The following GPRC6A variants were observed in gnomAD, a reference collection of about 807,000 sequenced individuals.
The protein encoded by GPRC6A is G protein-coupled receptor class C group 6 member A.
In GPRC6A, 54 loss-of-function variants were observed where a neutral mutation model predicts 47.0. The observed-to-expected ratio is 1.15, with a 90% CI of 0.92 to 1.44. GPRC6A has a LOEUF of 1.44. Ranked by LOEUF, GPRC6A falls within the 40% of genes most tolerant of loss-of-function variation. GPRC6A has a pLI of 0.00. For synonymous variants in GPRC6A, 347 were observed against 377.1 expected (o/e 0.92, Z 0.93); for missense variants, 1,112 against 1,105.5 (o/e 1.01, Z -0.08).
At chr6:116,819,921 C>G (rs1582476909) in intron 1 of GPRC6A, among the ~76,000 whole-genome samples, 1 of 149,398 alleles carries the variant, frequency 6.7e-6, no homozygotes, top group South Asian at 2.1e-4. Context: ...AATCCAGGAG[C>G]TGGTTTTTTG....
chr6:116,803,281 C>T (rs1284424100), intron 3 of GPRC6A, among the ~76,000 whole-genome samples: 2 of 151,996 alleles, frequency 1.3e-5, no homozygotes, highest in Non-Finnish European at 2.9e-5. Context: ...TATCTTATGT[C>T]TGATTTACCA....
chr6:116,814,006 C>T (rs963594732), intron 1 of GPRC6A, among the ~76,000 whole-genome samples: 1 of 152,126 alleles, frequency 6.6e-6, no homozygotes, highest in Non-Finnish European at 1.5e-5. Context: ...TGAAAAAATG[C>T]TCATCATTCC....
chr6:116,805,536 A>G lies in GPRC6A; in HGVS notation c.1335+834T>C, dbSNP rs952012637. Among the ~76,000 whole-genome samples the G allele has an allele frequency of 7.9e-5, 12 of 152,190 alleles. No homozygotes were observed. The South Asian group carries it at 2.5e-3, about 31-fold the overall frequency. On this transcript the variant is annotated intron_variant, in intron 3 of 5. Coordinates refer to ENST00000310357, the MANE Select transcript of GPRC6A (RefSeq NM_148963.4). ...GTTTGCCTTTGAATACATATTATTG[A>G]GACATTTATTTCTAATAAGTAAAAC...
intron 1 of GPRC6A, among the ~76,000 whole-genome samples, chr6:116,824,942 T>A (rs1773632387): frequency 6.6e-6 from 1 of 151,910 alleles, no homozygotes; most frequent in African/African-American, 2.4e-5. Context: ...CATATACAAA[T>A]CAATAAATGT....
At position 116,807,159 on chromosome 6, in the gene GPRC6A, A is replaced by G; in HGVS notation, c.546T>C (p.Phe182=). The change falls in exon 3 of 6, where the codon TTT becomes TTC. Residue 182 remains phenylalanine, a synonymous_variant. Transcript: ENST00000310357. ...TGGGCACAGTCCGTAAAAATGAAGG[A>G]AAGCGAATTTTGTCACTCAGGATTT... The part of the protein sequence containing the change: ...TAEILSDKIR[F]PSFLRTVPSD... 6.2e-7 allele frequency: 1 copy of G among 1,613,496 alleles called. No individual in the cohort carries two copies. Among genetic ancestry groups the G allele is most frequent in the East Asian group, 2.2e-5 (1 of 44,874 alleles).
In GPRC6A at chr6:116,809,468, C is replaced by A. The variant is rs747940732; in HGVS notation, c.344G>T (p.Arg115Met). Residue 115 changes from arginine (R) to methionine (M), a missense_variant, in exon 2 of 6, where the codon AGG becomes ATG. Coordinates refer to ENST00000310357, the MANE Select transcript of GPRC6A (RefSeq NM_148963.4). ...GGAGCAGTTGAATTTAGAAAGAAAC[C>A]TCAGAGTGGCTGCCATTGCCACTGT... ...EVTVAMAATLRFLSKFNCSRE... is the reference protein window; with the variant it reads ...EVTVAMAATLMFLSKFNCSRE... 2.5e-6 allele frequency: 4 copies of A among 1,613,688 alleles called. No homozygotes were observed. The highest frequency in any genetic ancestry group is 3.4e-6 in the Non-Finnish European group (4 of 1,179,824).
In GPRC6A at chr6:116,816,460, G is replaced by A. The variant is rs537724871; in HGVS notation, c.195-6843C>T. Among the ~76,000 whole-genome samples, 3 of 152,328 alleles carry A rather than the reference G, an allele frequency of 2.0e-5. No individual in the cohort carries two copies. In the South Asian group the frequency reaches 6.2e-4, roughly 32 times the overall value. On this transcript the variant is annotated intron_variant, in intron 1 of 5. Transcript: ENST00000310357. ...CCAGGGGATGCTGGTACAAGCTGAA[G>A]CTGAAGTGGCTGGGACACAAGCAGC...
intron 4 of GPRC6A, among the ~76,000 whole-genome samples, chr6:116,800,250 C>T (rs923774361): frequency 1.8e-5 from 2 of 112,472 alleles, no homozygotes; most frequent in Non-Finnish European, 3.5e-5. Context: ...TTCTTTCTCT[C>T]TCTCTTCCTT....
intron 4 of GPRC6A, 144 bp from the exon 5 acceptor site, chr6:116,795,979 C>T (rs898526120): frequency 2.9e-5 from 16 of 549,122 alleles, no homozygotes; most frequent in South Asian, 2.1e-4. Flanking sequence ...TTTTTGCCAT[C>T]GTGGGAAATG....
In GPRC6A at chr6:116,792,166, A is replaced by G; in HGVS notation, c.2757T>C (p.Pro919=). Residue 919 remains proline, a synonymous_variant, in exon 6 of 6, where the codon CCT becomes CCC. Coordinates refer to ENST00000310357, the MANE Select transcript of GPRC6A (RefSeq NM_148963.4). Reference sequence around the variant, plus strand: ...TTCATATACTTGACATTCTTTTTCGAGGCAAAGTTTTAGATACACTTGTGG... The same window carrying G: ...TTCATATACTTGACATTCTTTTTCGGGGCAAAGTTTTAGATACACTTGTGG... The part of the protein sequence containing the change: ...ENATSVSKTL[P]RKRMSSI 6.2e-7 allele frequency: 1 copy of G among 1,613,104 alleles called. No homozygotes were observed. The highest frequency in any genetic ancestry group is 8.5e-7 in the Non-Finnish European group (1 of 1,179,470).
chr6:116,822,891 T>TTA (rs1554191131), intron 1 of GPRC6A, among the ~76,000 whole-genome samples: 1 of 117,510 alleles, frequency 8.5e-6, no homozygotes, highest in African/African-American at 3.2e-5. Flanking sequence ...TACTAGTCTC[T>TTA]AAAAAAAAAA....
Position 116,829,006 on chromosome 6 carries a change from A to C in GPRC6A, c.8T>G (p.Phe3Cys). MA[F>C]LIILITCFVI... ...AAAGCAGGTAATTAGTATAATTAAG[A>C]ATGCCATGTTTCTATCTCATTTGCT... The change falls in exon 1 of 6, where the codon TTC becomes TGC. Residue 3 changes from phenylalanine (F) to cysteine (C), a missense_variant. Coordinates refer to ENST00000310357, the MANE Select transcript of GPRC6A (RefSeq NM_148963.4). The C allele has an allele frequency of 1.2e-6, 2 of 1,610,606 alleles. No homozygotes were observed. Among genetic ancestry groups the C allele is most frequent in the Non-Finnish European group, 1.7e-6 (2 of 1,177,910 alleles).
At chr6:116,819,034 C>G (rs528993161) in intron 1 of GPRC6A, among the ~76,000 whole-genome samples, 12 of 151,682 alleles carry the variant, frequency 7.9e-5, no homozygotes, top group South Asian at 6.3e-4. Flanking sequence ...AAATGGAAAA[C>G]AAAAAAAGGC....
intron 1 of GPRC6A, among the ~76,000 whole-genome samples, 200 bp downstream of exon 1, chr6:116,828,620 T>A (rs753645786): frequency 6.6e-6 from 1 of 152,112 alleles, no homozygotes; most frequent in Non-Finnish European, 1.5e-5. Flanking sequence ...TCCTCTGCAC[T>A]TGGAGGTTGT....
In GPRC6A at chr6:116,826,834, GAT is replaced by G. The variant is rs1378078482; in HGVS notation, c.194+1984_194+1985del. ...ATAGAAGAATAGATAAAGAAAATGTGATATATATACACAACAGAATAGTACTC... is the reference window on the plus strand; with the variant it reads ...ATAGAAGAATAGATAAAGAAAATGTGATATATACACAACAGAATAGTACTC... On this transcript the variant is annotated intron_variant, in intron 1 of 5. Transcript: ENST00000310357. Among the ~76,000 whole-genome samples the G allele has an allele frequency of 4.6e-5, 7 of 151,694 alleles. No homozygotes were observed. The East Asian group carries it at 1.4e-3, about 29-fold the overall frequency.
chr6:116,816,684 C>A (rs1214473799), intron 1 of GPRC6A, among the ~76,000 whole-genome samples: 1 of 152,190 alleles, frequency 6.6e-6, no homozygotes, highest in Non-Finnish European at 1.5e-5. Flanking sequence ...GTGCACGCAC[C>A]GTGCGCGAAC....
At chr6:116,806,340 A>G in intron 3 of GPRC6A, 30 bp downstream of exon 3, 1 of 1,377,082 alleles carries the variant, frequency 7.3e-7, no homozygotes, top group Non-Finnish European at 1.0e-6. Flanking sequence ...TGATGGTAGA[A>G]GAGTTTTTCT....
chr6:116,803,531 C>T (rs1008374126), intron 3 of GPRC6A, among the ~76,000 whole-genome samples: 9 of 152,016 alleles, frequency 5.9e-5, no homozygotes, highest in Non-Finnish European at 1.3e-4. Flanking sequence ...ACTGTGGAAC[C>T]ACTGAATTAA....
chr6:116,817,007 G>C (rs958797036), intron 1 of GPRC6A, among the ~76,000 whole-genome samples: 14 of 152,202 alleles, frequency 9.2e-5, no homozygotes, highest in East Asian at 1.9e-4. Context: ...CAAAGCAGCC[G>C]GGAAGCTTGA....
Sources: allele counts gnomAD v4.1 joint callset (sites outside exome capture counted in the v4.1 genomes callset), GRCh38; gene constraint gnomAD v4.1.1; transcripts MANE v1.5; gene names NCBI Gene and HGNC (gene_info 2026-07-23, HGNC 2026-07-21).